Variants in ART3 observed in about 807,000 individuals in gnomAD.
ART3 encodes ecto-ADP-ribosyltransferase 3.
In ART3, 49 loss-of-function variants were observed where a neutral mutation model predicts 48.5. That is an observed-to-expected ratio of 1.01 (90% confidence interval 0.80 to 1.28). The LOEUF (loss-of-function observed/expected upper bound fraction) is 1.28, where lower values mean the gene tolerates loss of function less well. Ranked by LOEUF, ART3 falls within the 50% of genes most tolerant of loss-of-function variation. ART3 has a pLI of 0.00. For synonymous variants in ART3, 145 were observed against 157.2 expected (o/e 0.92, Z 0.58); for missense variants, 438 against 454.3 (o/e 0.96, Z 0.33).
intron 1 of ART3, among the ~76,000 whole-genome samples, chr4:76,043,471 C>G (rs558595005): frequency 6.6e-6 from 1 of 152,102 alleles, no homozygotes; most frequent in South Asian, 2.1e-4. Context: ...GATGAGAAAT[C>G]GAGTGCAGTG....
At chr4:76,099,246 G>A in intron 5 of ART3, 1 of 431,002 alleles carries the variant, frequency 2.3e-6, no homozygotes, top group Non-Finnish European at 4.3e-6. Flanking sequence ...AGGTTGCAGT[G>A]AGCCAAGATT....
At chr4:76,090,959 A>G (rs1724751362) in intron 3 of ART3, among the ~76,000 whole-genome samples, 1 of 152,116 alleles carries the variant, frequency 6.6e-6, no homozygotes. Context: ...TGCTGTCACT[A>G]CAGATTAGTT....
intron 1 of ART3, among the ~76,000 whole-genome samples, chr4:76,054,925 A>T (rs955737625): frequency 1.1e-4 from 17 of 152,194 alleles, no homozygotes; most frequent in Middle Eastern, 3.2e-3. Flanking sequence ...CCAATAAAAC[A>T]TTTCTGTCAA....
Position 76,040,437 on chromosome 4 carries a change from T to TACACACACACACAC in ART3, c.-10+29147_-10+29160dup, listed in dbSNP as rs748020159. Among the ~76,000 whole-genome samples the TACACACACACACAC allele has an allele frequency of 1.4e-3, 127 of 88,476 alleles. No homozygotes were observed. The East Asian group carries it at 0.031, about 22-fold the overall frequency. 58.0% of individuals were successfully genotyped at this position (88,476 alleles called of 152,430 possible). On this transcript the variant is annotated intron_variant, in intron 1 of 9. Coordinates refer to the ART3 transcript ENST00000341029. ...TGGATGGATACGCACATACACTGGA[T>TACACACACACACAC]ACACACACACACACACACACACACA...
At chr4:76,021,909 C>T (rs779770545) in intron 1 of ART3, 3 of 1,609,026 alleles carry the variant, frequency 1.9e-6, no homozygotes, top group Admixed American at 3.3e-5. Flanking sequence ...AGCACTGCAT[C>T]GATTTTGCTC....
At chr4:76,021,273 T>A (rs914250881) in intron 1 of ART3, 1 of 152,254 alleles carries the variant, frequency 6.6e-6, no homozygotes, top group African/African-American at 2.4e-5. Context: ...ATTTTTAAAA[T>A]TTTCCTGTTA....
At chr4:76,065,814 G>A (rs1719680087) in intron 1 of ART3, among the ~76,000 whole-genome samples, 1 of 151,686 alleles carries the variant, frequency 6.6e-6, no homozygotes. Flanking sequence ...ATATTGAATG[G>A]TGTAGGGATA....
At chr4:76,031,527 A>G (rs1294399054) in intron 1 of ART3, among the ~76,000 whole-genome samples, 1 of 152,220 alleles carries the variant, frequency 6.6e-6, no homozygotes, top group Non-Finnish European at 1.5e-5. Context: ...AATGACTTTG[A>G]TAGGGTCACT....
chr4:76,055,003 G>A (rs971557854), intron 1 of ART3, among the ~76,000 whole-genome samples: 2 of 151,994 alleles, frequency 1.3e-5, no homozygotes, highest in Non-Finnish European at 2.9e-5. Context: ...TCAAACTCCT[G>A]GCCTCAGGCA....
chr4:76,030,469 T>C (rs1294634758), intron 1 of ART3, among the ~76,000 whole-genome samples: 1 of 152,260 alleles, frequency 6.6e-6, no homozygotes, highest in Non-Finnish European at 1.5e-5. Context: ...CTTCTTCTTT[T>C]TATGATAGTA....
upstream of ART3, among the ~76,000 whole-genome samples, chr4:76,073,377 C>A (rs186100291): frequency 1.3e-5 from 2 of 152,222 alleles, no homozygotes; most frequent in East Asian, 3.9e-4. Flanking sequence ...TCTTTCTAAC[C>A]AAACTCCTGC....
intron 1 of ART3, among the ~76,000 whole-genome samples, chr4:76,056,874 A>T (rs1171215083): frequency 6.6e-6 from 1 of 152,230 alleles, no homozygotes; most frequent in Non-Finnish European, 1.5e-5. Context: ...GGTTCCACTA[A>T]TAAGAGGGGA....
chr4:76,021,629 A>C, intron 1 of ART3: 1 of 355,416 alleles, frequency 2.8e-6, no homozygotes, highest in Non-Finnish European at 5.1e-6. Context: ...AAGATGGGAA[A>C]GGTGAGGGAA....
At chr4:76,065,051 C>T (rs5005111) in intron 1 of ART3, among the ~76,000 whole-genome samples, 48,170 of 151,814 alleles carry the variant, frequency 0.32, 8,735 homozygotes, top group African/African-American at 0.47. Context: ...AGGCTGGTCT[C>T]GAACTCCTGA....
intron 1 of ART3, among the ~76,000 whole-genome samples, chr4:76,030,876 G>C (rs1404165539): frequency 1.3e-5 from 2 of 152,082 alleles, no homozygotes; most frequent in African/African-American, 2.4e-5. Flanking sequence ...TTCACTTGTT[G>C]ATGGATATTT....
chr4:76,033,163 T>C (rs137936493), intron 1 of ART3, among the ~76,000 whole-genome samples: 4 of 152,078 alleles, frequency 2.6e-5, no homozygotes, highest in Non-Finnish European at 4.4e-5. Flanking sequence ...AAGAATTTAG[T>C]TGGAGGTTGA....
At chr4:76,040,437 T>TACAC (rs748020159) in intron 1 of ART3, among the ~76,000 whole-genome samples, 1,700 of 88,448 alleles carry the variant, frequency 0.019, 17 homozygotes, top group Admixed American at 0.034. Flanking sequence ...ATACACTGGA[T>TACAC]ACACACACAC....
At chr4:76,024,755 G>A (rs999223815) in intron 1 of ART3, among the ~76,000 whole-genome samples, 4 of 152,180 alleles carry the variant, frequency 2.6e-5, no homozygotes, top group African/African-American at 9.6e-5. Context: ...GAAAATATAT[G>A]GGAGTTCTTT....
At chr4:76,051,360 T>TA (rs888644031) in intron 1 of ART3, among the ~76,000 whole-genome samples, 3 of 152,152 alleles carry the variant, frequency 2.0e-5, no homozygotes, top group Non-Finnish European at 4.4e-5. Context: ...ATTATTAAAA[T>TA]ACCCGTCCCA....
Sources: gnomAD v4.1 joint callset for allele counts (sites outside exome capture counted in the v4.1 genomes callset) on GRCh38, gnomAD v4.1.1 for gene constraint, MANE v1.5 for transcripts, NCBI Gene and HGNC (gene_info 2026-07-23, HGNC 2026-07-21) for gene names.